The following MARF1 variants were observed in gnomAD, a reference collection of about 807,000 sequenced individuals.
The protein encoded by MARF1 is limkain-b1.
MARF1 carries 24 observed loss-of-function variants against 168.2 expected under a neutral mutation model. The observed-to-expected ratio is 0.14, with a 90% CI of 0.10 to 0.20. MARF1 has a LOEUF of 0.20. MARF1 is among the 10% of genes least tolerant of loss of function. The pLI is 1.00. For synonymous variants in MARF1, 868 were observed against 822.4 expected (o/e 1.06, Z -0.95); for missense variants, 1,744 against 2,143.6 (o/e 0.81, Z 3.68).
chr16:15,607,605 G>C (rs115814375), intron 21 of MARF1, among the ~76,000 whole-genome samples: 1 of 152,194 alleles, frequency 6.6e-6, no homozygotes, highest in Non-Finnish European at 1.5e-5. Context: ...GGCTGTTTAC[G>C]GAATTAAATG....
In MARF1 at chr16:15,615,918, G is replaced by C; in HGVS notation, c.3165C>G (p.Thr1055=). 1 of 1,602,350 alleles carries C rather than the reference G, an allele frequency of 6.2e-7. No individual in the cohort carries two copies. Among genetic ancestry groups the C allele is most frequent in the African/African-American group, 1.3e-5 (1 of 74,470 alleles). The change falls in exon 16 of 27, where the codon ACC becomes ACG. Residue 1055 remains threonine (T), a synonymous_variant. Transcript: ENST00000396368. ...TGGCAATGTTTACACCTGGAACACA[G>C]GTAATGAAGTGTTCTAAGGGAACAC... ...QGGVPLEHFI[T]CVPGVNIATA...
At chr16:15,633,973 CT>C in intron 4 of MARF1, 130 bp from the exon 5 acceptor site, 1 of 717,132 alleles carries the variant, frequency 1.4e-6, no homozygotes, top group Non-Finnish European at 2.3e-6. Flanking sequence ...AGTTTTAAGG[CT>C]ACCAACCTCA....
chr16:15,596,755 G>A lies in MARF1; in HGVS notation c.5167C>T (p.Gln1723Ter), dbSNP rs1195602052. ...KDPVESPAKK[Q>*]PKNRVKLAAN... ...GCCAATTTGACTCTATTTTTGGGTT[G>A]CTTTTTGGCCGGGCTTTCCACGGGG... Residue 1723 changes from glutamine (Q) to a stop codon, truncating the protein, a stop_gained, in exon 27 of 27, where the codon CAA becomes TAA. Coordinates refer to ENST00000396368, the MANE Select transcript of MARF1 (RefSeq NM_014647.4). LOFTEE classifies it high-confidence loss of function. 6.2e-7 allele frequency: 1 copy of A among 1,611,708 alleles called. No homozygotes were observed. Among genetic ancestry groups the A allele is most frequent in the African/African-American group, 1.3e-5 (1 of 74,866 alleles).
rs531968374 is a variant in MARF1 at position 15,622,719 on chromosome 16, C to G, written c.2460+215G>C. On this transcript the variant is annotated intron_variant, in intron 11 of 26. Transcript: ENST00000396368. Reference sequence around the variant, plus strand: ...TTTCAATTTCTGCCTAAGACAAGAGCTTTTCACTGCTAGGCGTCTTGCTCT... The same window carrying G: ...TTTCAATTTCTGCCTAAGACAAGAGGTTTTCACTGCTAGGCGTCTTGCTCT... Among the ~76,000 whole-genome samples the G allele has an allele frequency of 3.6e-3, 551 of 152,320 alleles. 1 individual carries two copies. Among genetic ancestry groups the G allele is most frequent in the Non-Finnish European group, 6.2e-3 (423 of 68,028 alleles).
Position 15,600,520 on chromosome 16 carries a change from T to C in MARF1, c.4721A>G (p.Asn1574Ser), listed in dbSNP as rs775322052. The change falls in exon 25 of 27, where the codon AAT (asparagine) becomes AGT (serine). Residue 1574 changes from asparagine to serine, a missense_variant. This residue lies in a region of MARF1 where 313 missense variants were observed against 337.4 expected (regional missense o/e 0.93). Coordinates refer to ENST00000396368, the MANE Select transcript of MARF1 (RefSeq NM_014647.4). ...GCCCTCCGAGGGCTGGTTTTCATGA[T>C]TGGCAGGGGAGAGACTGAGTGAACT... is the stretch of plus-strand genomic sequence containing the variant. ...RLSSLSLSPA[N>S]HENQPSEGER... is the part of the protein sequence containing the mutation. The C allele has an allele frequency of 3.7e-6, 6 of 1,614,032 alleles. No individual in the cohort carries two copies. The East Asian group carries it at 6.7e-5, about 18-fold the overall frequency.
intron 25 of MARF1, among the ~76,000 whole-genome samples, chr16:15,599,357 A>C (rs1355759251): frequency 1.3e-5 from 2 of 152,062 alleles, no homozygotes; most frequent in Admixed American, 6.5e-5. Context: ...CGTAGTTAAC[A>C]GCAAGTGGAA....
chr16:15,617,750 A>C (rs1368626575), intron 13 of MARF1, among the ~76,000 whole-genome samples: 2 of 152,136 alleles, frequency 1.3e-5, no homozygotes, highest in Non-Finnish European at 2.9e-5. Context: ...GACAATGCTC[A>C]CTTCATTTGA....
intron 2 of MARF1, 128 bp from the exon 3 acceptor site, chr16:15,636,470 C>A (rs1435209435): frequency 3.7e-5 from 25 of 679,276 alleles, no homozygotes; most frequent in Non-Finnish European, 1.2e-5. Context: ...CATAACTGAA[C>A]AAAATGGAAT....
chr16:15,601,747 C>T, intron 23 of MARF1: 1 of 578,372 alleles, frequency 1.7e-6, no homozygotes, highest in Non-Finnish European at 3.1e-6. Context: ...CATTAACCAA[C>T]ACCTTTCTAG....
intron 19 of MARF1, chr16:15,610,354 C>T (rs2033411915): frequency 6.5e-6 from 1 of 153,110 alleles, no homozygotes; most frequent in South Asian, 2.1e-4. Context: ...ACAGTCACCC[C>T]TTGGTGTTCT....
intron 1 of MARF1, among the ~76,000 whole-genome samples, chr16:15,642,245 G>A (rs942509362): frequency 4.6e-5 from 7 of 152,014 alleles, no homozygotes; most frequent in African/African-American, 1.7e-4. Flanking sequence ...TGTCCAAAAC[G>A]GCCTTTTTAG....
intron 16 of MARF1, among the ~76,000 whole-genome samples, chr16:15,614,683 C>G (rs1596465987): frequency 6.6e-6 from 1 of 151,658 alleles, no homozygotes; most frequent in African/African-American, 2.4e-5. Flanking sequence ...GTCCCAGCTC[C>G]TCAGGAGACT....
chr16:15,623,534 G>C (rs1042647235), intron 10 of MARF1, among the ~76,000 whole-genome samples: 4 of 152,094 alleles, frequency 2.6e-5, no homozygotes, highest in South Asian at 2.1e-4. Context: ...ACCTGCCTCA[G>C]CCTCCCAAAG....
chr16:15,597,049 TA>T, intron 26 of MARF1, 112 bp from the exon 27 acceptor site: 1 of 1,210,394 alleles, frequency 8.3e-7, no homozygotes, highest in Non-Finnish European at 1.1e-6. Flanking sequence ...AAAAAGCTTC[TA>T]AATGCTACAT....
Position 15,642,116 on chromosome 16 carries a change from T to A in MARF1, c.-59+902A>T, listed in dbSNP as rs140441076. Among the ~76,000 whole-genome samples, 438 of 152,342 alleles carry A rather than the reference T, an allele frequency of 2.9e-3. 2 individuals carry two copies. Among genetic ancestry groups the A allele is most frequent in the African/African-American group, 9.9e-3 (412 of 41,582 alleles). ...GAAACCACCTTACAAGGCCGTTGTT[T>A]GGATTACATGAGGTAATCCACGGGG... On this transcript the variant is annotated intron_variant, in intron 1 of 26. Coordinates refer to ENST00000396368, the MANE Select transcript of MARF1 (RefSeq NM_014647.4).
intron 5 of MARF1, 135 bp from the exon 6 acceptor site, chr16:15,631,633 T>C (rs1023442385): frequency 1.2e-5 from 6 of 505,384 alleles, no homozygotes; most frequent in Non-Finnish European, 2.1e-5. Flanking sequence ...ACGTGCAGGT[T>C]TGTTACATAG....
At chr16:15,631,093 G>A (rs866518457) in intron 6 of MARF1, among the ~76,000 whole-genome samples, 2 of 152,214 alleles carry the variant, frequency 1.3e-5, no homozygotes, top group East Asian at 1.9e-4. Context: ...TTGCGCCATC[G>A]CACTCCAGCC....
intron 7 of MARF1, among the ~76,000 whole-genome samples, chr16:15,628,940 ATGGTTTGAATTATCAAAACATTGTTT>A (rs1276682769): frequency 1.3e-5 from 2 of 152,140 alleles, no homozygotes; most frequent in Non-Finnish European, 2.9e-5. Context: ...GCAAAACTAA[ATGGTTTGAATTATCAAAACATTGTTT>A]TGGTTTTTTT....
At chr16:15,636,836 C>T (rs2035629911) in intron 2 of MARF1, among the ~76,000 whole-genome samples, 1 of 152,168 alleles carries the variant, frequency 6.6e-6, no homozygotes, top group South Asian at 2.1e-4. Flanking sequence ...AAGTTTCAAA[C>T]ACAGATGAGA....
Sources: gnomAD v4.1 joint callset for allele counts (sites outside exome capture counted in the v4.1 genomes callset) on GRCh38, gnomAD v4.1.1 for gene constraint, gnomAD v4.1.1 regional missense constraint, MANE v1.5 for transcripts, NCBI Gene and HGNC (gene_info 2026-07-23, HGNC 2026-07-21) for gene names.